The following KBTBD12 variants were observed in gnomAD, a reference collection of about 807,000 sequenced individuals.
KBTBD12 encodes kelch repeat and BTB domain-containing protein 12.
A neutral mutation model predicts 58.7 loss-of-function variants in KBTBD12; 53 were observed. That is an observed-to-expected ratio of 0.90 (90% CI 0.72 to 1.14). The LOEUF (loss-of-function observed/expected upper bound fraction) is 1.14. Ranked by LOEUF, KBTBD12 falls within the 50% of genes most tolerant of loss-of-function variation. The pLI is 0.00. For missense variants in KBTBD12, 704 were observed against 751.3 expected (o/e 0.94, Z 0.74); for synonymous variants, 236 against 259.8 (o/e 0.91, Z 0.88).
chr3:127,961,718 C>T (rs1940442651), intron 4 of KBTBD12, among the ~76,000 whole-genome samples: 1 of 148,232 alleles, frequency 6.7e-6, no homozygotes, highest in African/African-American at 2.5e-5. Flanking sequence ...AATTAAACTT[C>T]TCATTCTTCA....
chr3:127,977,463 G>A (rs1940802397), intron 5 of KBTBD12, among the ~76,000 whole-genome samples: 2 of 152,168 alleles, frequency 1.3e-5, no homozygotes, highest in Admixed American at 6.5e-5. Flanking sequence ...CAGCGTATAA[G>A]CATTCCTTTT....
At chr3:127,980,480 C>T (rs1361446266) in intron 5 of KBTBD12, among the ~76,000 whole-genome samples, 2 of 152,184 alleles carry the variant, frequency 1.3e-5, no homozygotes, top group African/African-American at 4.8e-5. Flanking sequence ...CAGGTGGGCG[C>T]TACCACGCCC....
At chr3:127,976,374 CCT>C (rs926008310) in intron 5 of KBTBD12, among the ~76,000 whole-genome samples, 10 of 152,260 alleles carry the variant, frequency 6.6e-5, no homozygotes, top group Admixed American at 6.5e-4. Context: ...GTCGACACGC[CCT>C]TTTTCCCCCC....
chr3:127,946,837 A>T (rs1940093589), intron 4 of KBTBD12, among the ~76,000 whole-genome samples: 1 of 152,040 alleles, frequency 6.6e-6, no homozygotes, highest in South Asian at 2.1e-4. Flanking sequence ...CCCATACTTC[A>T]GTTTGAATAT....
At chr3:127,972,203 C>G (rs557493516) in intron 5 of KBTBD12, among the ~76,000 whole-genome samples, 20 of 152,156 alleles carry the variant, frequency 1.3e-4, no homozygotes, top group Non-Finnish European at 2.9e-4. Context: ...TTTAAAGGTG[C>G]AGAAACTGAA....
chr3:127,980,777 T>G (rs1940860226), intron 5 of KBTBD12, among the ~76,000 whole-genome samples: 1 of 152,188 alleles, frequency 6.6e-6, no homozygotes, highest in African/African-American at 2.4e-5. Flanking sequence ...CTCCAAAAAT[T>G]GAGAGATATA....
At chr3:127,918,975 G>T (rs968045135) in intron 1 of KBTBD12, among the ~76,000 whole-genome samples, 2 of 151,986 alleles carry the variant, frequency 1.3e-5, no homozygotes, top group Admixed American at 6.5e-5. Context: ...CCTTAAAAAT[G>T]GTTTTTTTTA....
At chr3:127,946,624 A>G (rs1940088460) in intron 4 of KBTBD12, among the ~76,000 whole-genome samples, 1 of 151,858 alleles carries the variant, frequency 6.6e-6, no homozygotes, top group Admixed American at 6.6e-5. Flanking sequence ...TTTTTATTCT[A>G]CTTGGGGTTC....
Position 127,984,129 on chromosome 3 carries a change from G to T in KBTBD12, c.1723G>T (p.Glu575Ter). The change falls in exon 6 of 6, where the codon GAA becomes TAA. Residue 575 changes from glutamate (E) to a stop codon, truncating the protein, a stop_gained. Coordinates refer to ENST00000405109, the MANE Select transcript of KBTBD12 (RefSeq NM_207335.4). LOFTEE classifies it high-confidence loss of function. ...RHEVISKEIL[E>*]LDPWENQWNV... is the part of the protein sequence containing the mutation. ...TGAGGTTATCTCCAAAGAAATATTG[G>T]AACTGGACCCATGGGAAAACCAGTG... 6.2e-7 allele frequency: 1 copy of T among 1,613,870 alleles called. No individual in the cohort carries two copies. The highest frequency in any genetic ancestry group is 8.5e-7 in the Non-Finnish European group (1 of 1,179,848).
intron 1 of KBTBD12, among the ~76,000 whole-genome samples, chr3:127,919,351 C>T (rs1164898723): frequency 2.6e-5 from 4 of 152,204 alleles, no homozygotes; most frequent in African/African-American, 7.2e-5. Flanking sequence ...CTGCCTCAGC[C>T]TCCTGAGTAG....
chr3:127,949,289 G>A (rs1188887161), intron 4 of KBTBD12, among the ~76,000 whole-genome samples: 1 of 152,144 alleles, frequency 6.6e-6, no homozygotes, highest in African/African-American at 2.4e-5. Flanking sequence ...GTTACCTGAC[G>A]GTAGTTTTGA....
intron 5 of KBTBD12, among the ~76,000 whole-genome samples, chr3:127,981,090 C>T (rs145802709): frequency 4.4e-4 from 67 of 152,304 alleles, no homozygotes; most frequent in African/African-American, 1.5e-3. Flanking sequence ...TCCAAAAATA[C>T]ATTAATATCC....
intron 5 of KBTBD12, among the ~76,000 whole-genome samples, chr3:127,973,527 G>A (rs1940719012): frequency 6.6e-6 from 1 of 152,086 alleles, no homozygotes. Context: ...TTTTTCATAG[G>A]TATGATAATG....
At chr3:127,956,264 T>A (rs1217669784) in intron 4 of KBTBD12, among the ~76,000 whole-genome samples, 4 of 152,136 alleles carry the variant, frequency 2.6e-5, no homozygotes, top group Non-Finnish European at 5.9e-5. Flanking sequence ...TACCTGTGGC[T>A]CCCAAATTGC....
chr3:127,973,406 A>G (rs1390471405), intron 5 of KBTBD12, among the ~76,000 whole-genome samples: 2 of 152,222 alleles, frequency 1.3e-5, no homozygotes, highest in Non-Finnish European at 2.9e-5. Flanking sequence ...TAATGTGTGA[A>G]GGTTGGTTGG....
intron 4 of KBTBD12, among the ~76,000 whole-genome samples, chr3:127,934,135 C>T (rs1939771485): frequency 6.6e-6 from 1 of 151,918 alleles, no homozygotes. Context: ...ATTTAGGAGG[C>T]AAAGGCAAAG....
chr3:127,916,481 G>A (rs187280830), intron 1 of KBTBD12, among the ~76,000 whole-genome samples: 18 of 152,218 alleles, frequency 1.2e-4, no homozygotes, highest in African/African-American at 3.1e-4. Flanking sequence ...AAGCAACAGC[G>A]TAAGAATTAC....
intron 5 of KBTBD12, 104 bp downstream of exon 5, chr3:127,963,490 T>A (rs1188290983): frequency 4.6e-5 from 50 of 1,089,500 alleles, no homozygotes; most frequent in Non-Finnish European, 6.4e-5. Flanking sequence ...ACGTGAGCAC[T>A]GCAAAAGCAT....
At chr3:127,956,007 C>T (rs1940312832) in intron 4 of KBTBD12, among the ~76,000 whole-genome samples, 1 of 152,164 alleles carries the variant, frequency 6.6e-6, no homozygotes, top group Non-Finnish European at 1.5e-5. Context: ...TCATGATGAA[C>T]AAGGAAAGAA....
Sources: allele counts gnomAD v4.1 joint callset (sites outside exome capture counted in the v4.1 genomes callset), GRCh38; gene constraint gnomAD v4.1.1; transcripts MANE v1.5; gene names NCBI Gene and HGNC (gene_info 2026-07-23, HGNC 2026-07-21).